Variants in EPHA6 observed in about 807,000 individuals in gnomAD.
EPHA6 encodes ephrin type-A receptor 6.
A neutral mutation model predicts 112.0 loss-of-function variants in EPHA6; 50 were observed. The ratio of observed to expected loss-of-function variants is 0.45; its 90% confidence interval spans 0.36 to 0.56. The LOEUF is 0.56. EPHA6 is among the 20% of genes least tolerant of loss of function. EPHA6 has a pLI of 0.00. For missense variants in EPHA6, 1,280 were observed against 1,417.4 expected, an observed-to-expected ratio of 0.90 and a Z score of 1.56; for synonymous variants, 529 against 490.7, an observed-to-expected ratio of 1.08 and a Z score of -1.03.
At chr3:97,605,433 T>A (rs1362454654) in intron 12 of EPHA6, among the ~76,000 whole-genome samples, 1 of 151,736 alleles carries the variant, frequency 6.6e-6, no homozygotes, top group Admixed American at 6.6e-5. Context: ...TTGTGTATGG[T>A]GAAAAGTAGG....
intron 2 of EPHA6, among the ~76,000 whole-genome samples, chr3:96,979,450 T>C (rs941265185): frequency 9.1e-4 from 138 of 152,300 alleles, no homozygotes; most frequent in South Asian, 1.2e-3. Context: ...CAGTCTATCA[T>C]TGATGGACAT....
chr3:97,244,471 C>T (rs1014752197), intron 5 of EPHA6, 184 bp downstream of exon 5: 1 of 582,656 alleles, frequency 1.7e-6, no homozygotes, highest in African/African-American at 1.9e-5. Flanking sequence ...TATATTACTT[C>T]TCAGCAGTAT....
chr3:97,253,798 T>C (rs2079215400), intron 5 of EPHA6, among the ~76,000 whole-genome samples: 1 of 152,138 alleles, frequency 6.6e-6, no homozygotes, highest in Non-Finnish European at 1.5e-5. Flanking sequence ...TGACTTCCTG[T>C]TTCAAGGCTT....
At chr3:96,930,086 C>T (rs2040234908) in intron 2 of EPHA6, among the ~76,000 whole-genome samples, 2 of 152,204 alleles carry the variant, frequency 1.3e-5, no homozygotes, top group Admixed American at 1.3e-4. Flanking sequence ...GTACTTCTCT[C>T]TAAATTGGCT....
chr3:97,304,353 A>G (rs1220124183), intron 5 of EPHA6, among the ~76,000 whole-genome samples: 1 of 151,940 alleles, frequency 6.6e-6, no homozygotes, highest in African/African-American at 2.4e-5. Context: ...TGCTATTCCC[A>G]TTAAATTACC....
At chr3:97,678,193 T>C (rs149145170) in intron 14 of EPHA6, among the ~76,000 whole-genome samples, 77 of 152,248 alleles carry the variant, frequency 5.1e-4, no homozygotes, top group African/African-American at 1.8e-3. Flanking sequence ...TGTTTTAAGA[T>C]AGGATGTGGG....
At chr3:97,491,331 T>C (rs1283653289) in intron 10 of EPHA6, among the ~76,000 whole-genome samples, 6 of 152,112 alleles carry the variant, frequency 3.9e-5, no homozygotes, top group African/African-American at 1.4e-4. Context: ...TCCCCTTCAG[T>C]CCAATTCACA....
chr3:96,837,737 C>T (rs965485790), intron 1 of EPHA6, among the ~76,000 whole-genome samples: 10 of 151,880 alleles, frequency 6.6e-5, no homozygotes, highest in South Asian at 4.2e-4. Flanking sequence ...ATTATTAATA[C>T]GTATAACAAA....
At chr3:97,636,719 A>G (rs2093948432) in intron 13 of EPHA6, among the ~76,000 whole-genome samples, 1 of 152,152 alleles carries the variant, frequency 6.6e-6, no homozygotes, top group Non-Finnish European at 1.5e-5. Flanking sequence ...AAGCTGCACT[A>G]TGGTTTGAAA....
At chr3:96,897,954 G>C (rs952873180) in intron 2 of EPHA6, among the ~76,000 whole-genome samples, 1 of 152,146 alleles carries the variant, frequency 6.6e-6, no homozygotes, top group Non-Finnish European at 1.5e-5. Flanking sequence ...TAGTGCCAGA[G>C]AGTTATCAAG....
intron 5 of EPHA6, among the ~76,000 whole-genome samples, chr3:97,294,330 C>G (rs1348102944): frequency 2.0e-5 from 3 of 152,238 alleles, no homozygotes; most frequent in African/African-American, 7.2e-5. Context: ...ATCATAAGTA[C>G]AGCCCCTTTG....
chr3:96,970,262 CACACAA>C (rs1329764045), intron 2 of EPHA6, among the ~76,000 whole-genome samples: 2 of 145,660 alleles, frequency 1.4e-5, no homozygotes, highest in African/African-American at 5.4e-5. Context: ...CACACACACA[CACACAA>C]ACACACACAC....
At chr3:97,619,434 G>GGC (rs1553839646) in intron 13 of EPHA6, among the ~76,000 whole-genome samples, 4 of 11,676 alleles carry the variant, frequency 3.4e-4, no homozygotes, top group Admixed American at 1.2e-3. Flanking sequence ...AATAGAAAAA[G>GGC]GGGGGGGGGG....
At chr3:97,496,086 C>A (rs1429899746) in intron 10 of EPHA6, among the ~76,000 whole-genome samples, 1 of 152,120 alleles carries the variant, frequency 6.6e-6, no homozygotes, top group Admixed American at 6.6e-5. Flanking sequence ...TTTATAGCTT[C>A]TCTCTTATTG....
chr3:97,465,155 G>T (rs188624724), intron 7 of EPHA6, among the ~76,000 whole-genome samples: 2 of 151,976 alleles, frequency 1.3e-5, no homozygotes, highest in African/African-American at 4.8e-5. Flanking sequence ...GTCAGGAAAT[G>T]TTCCCTTTCA....
intron 3 of EPHA6, among the ~76,000 whole-genome samples, chr3:97,208,573 C>T (rs897050033): frequency 6.6e-6 from 1 of 151,900 alleles, no homozygotes; most frequent in African/African-American, 2.4e-5. Context: ...TGGTGAAACC[C>T]CGTCTCTACT....
chr3:97,739,579 A>G (rs2035415455), intron 16 of EPHA6, among the ~76,000 whole-genome samples: 1 of 152,138 alleles, frequency 6.6e-6, no homozygotes, highest in African/African-American at 2.4e-5. Context: ...TTCCTCTCAA[A>G]GGTCAGAGTA....
At chr3:97,261,420 T>C (rs1427312345) in intron 5 of EPHA6, among the ~76,000 whole-genome samples, 1 of 152,192 alleles carries the variant, frequency 6.6e-6, no homozygotes, top group Non-Finnish European at 1.5e-5. Context: ...TGTGCTAAAA[T>C]GAACAATTAC....
intron 5 of EPHA6, among the ~76,000 whole-genome samples, chr3:97,318,944 A>G (rs1364075672): frequency 6.6e-6 from 1 of 151,942 alleles, no homozygotes; most frequent in Admixed American, 6.6e-5. Context: ...ACATTCCAAT[A>G]GTAGAATTTG....
Sources: gnomAD v4.1 joint callset for allele counts (sites outside exome capture counted in the v4.1 genomes callset) on GRCh38, gnomAD v4.1.1 for gene constraint, MANE v1.5 for transcripts, NCBI Gene and HGNC (gene_info 2026-07-23, HGNC 2026-07-21) for gene names.